Variants in CMIP observed in about 807,000 individuals in gnomAD.
The protein encoded by CMIP is c-Maf inducing protein.
A neutral mutation model predicts 97.3 loss-of-function variants in CMIP; 13 were observed. The ratio of observed to expected loss-of-function variants is 0.13; its 90% CI spans 0.09 to 0.21. The LOEUF (loss-of-function observed/expected upper bound fraction) is 0.21. Ranked by LOEUF, CMIP falls within the 10% of genes least tolerant of loss-of-function variation. The pLI, the probability that CMIP is intolerant of heterozygous loss-of-function variation, is 1.00. For missense variants in CMIP, 847 were observed against 1,024.9 expected (o/e 0.83, Z 2.37); for synonymous variants, 538 against 436.3 (o/e 1.23, Z -2.91).
At chr16:81,521,677 A>G (rs1302858790) in intron 1 of CMIP, among the ~76,000 whole-genome samples, 1 of 152,172 alleles carries the variant, frequency 6.6e-6, no homozygotes, top group Non-Finnish European at 1.5e-5. Flanking sequence ...AGTCTTGTGT[A>G]TTTGTAGACA....
chr16:81,510,651 C>G (rs573226842), intron 1 of CMIP, among the ~76,000 whole-genome samples: 2 of 152,258 alleles, frequency 1.3e-5, no homozygotes, highest in East Asian at 3.9e-4. Flanking sequence ...ATGGACCAGT[C>G]CAAGACCAAT....
intron 1 of CMIP, chr16:81,495,433 C>T (rs760360689): frequency 1.3e-5 from 21 of 1,606,992 alleles, no homozygotes; most frequent in East Asian, 2.2e-5. Context: ...CTGTTTCCTG[C>T]GAGGAGGGAA....
At chr16:81,600,958 C>T (rs1014012625) in intron 1 of CMIP, among the ~76,000 whole-genome samples, 1 of 152,164 alleles carries the variant, frequency 6.6e-6, no homozygotes, top group African/African-American at 2.4e-5. Flanking sequence ...TGTGCAGGTC[C>T]AGCAAATCCT....
chr16:81,490,156 C>T (rs1348494294), intron 1 of CMIP, among the ~76,000 whole-genome samples: 1 of 152,178 alleles, frequency 6.6e-6, no homozygotes, highest in Non-Finnish European at 1.5e-5. Flanking sequence ...CTAAAGGTTC[C>T]TGTTCCTCTC....
chr16:81,664,395 G>A, intron 7 of CMIP, 46 bp downstream of exon 7: 2 of 1,542,352 alleles, frequency 1.3e-6, no homozygotes, highest in Non-Finnish European at 1.8e-6. Flanking sequence ...CCCAGAACAT[G>A]AGGCCCCGCG....
At chr16:81,596,697 T>G (rs1013999735) in intron 1 of CMIP, among the ~76,000 whole-genome samples, 3 of 152,082 alleles carry the variant, frequency 2.0e-5, no homozygotes, top group Non-Finnish European at 4.4e-5. Context: ...CATCCCTCCA[T>G]GGGGTAACCA....
intron 2 of CMIP, among the ~76,000 whole-genome samples, chr16:81,609,615 C>A (rs1282914820): frequency 6.6e-6 from 1 of 152,184 alleles, no homozygotes; most frequent in Non-Finnish European, 1.5e-5. Flanking sequence ...GGACTGGGAG[C>A]CCAGAGAAGG....
chr16:81,670,319 C>T, intron 8 of CMIP, 74 bp downstream of exon 8: 4 of 1,453,522 alleles, frequency 2.8e-6, no homozygotes, highest in Non-Finnish European at 1.9e-6. Flanking sequence ...CTCAGATATC[C>T]ACGGGGGGCT....
rs552136742 is a variant in CMIP at position 81,463,637 on chromosome 16, A to G, written c.300+18096A>G. Among the ~76,000 whole-genome samples the G allele has an allele frequency of 3.3e-5, 5 of 152,232 alleles. No individual in the cohort carries two copies. The South Asian group carries it at 1.0e-3, about 32-fold the overall frequency. On this transcript the variant is annotated intron_variant, in intron 1 of 20. Transcript: ENST00000537098. ...ACCGGGTGAAATAATGGAACCTGCC[A>G]TTTCTCAGGCACCTATGATGTGCCA...
At chr16:81,516,648 T>C (rs1026257965) in intron 1 of CMIP, among the ~76,000 whole-genome samples, 1 of 152,172 alleles carries the variant, frequency 6.6e-6, no homozygotes, top group Admixed American at 6.5e-5. Flanking sequence ...CTGCTGGGGA[T>C]TGGCTTGCTC....
At chr16:81,562,712 G>C (rs1363046408) in intron 1 of CMIP, among the ~76,000 whole-genome samples, 1 of 152,272 alleles carries the variant, frequency 6.6e-6, no homozygotes, top group Non-Finnish European at 1.5e-5. Flanking sequence ...TCCAGTGCCA[G>C]ATGGCACAGA....
At chr16:81,657,879 T>C in intron 5 of CMIP, 63 bp downstream of exon 5, 1 of 1,414,150 alleles carries the variant, frequency 7.1e-7, no homozygotes, top group Non-Finnish European at 9.7e-7. Context: ...ACAACCCTTT[T>C]CCTGGTTTGG....
chr16:81,696,684 C>A lies in CMIP; in HGVS notation c.1638+17C>A. On this transcript the variant is annotated intron_variant, in intron 14 of 20. Coordinates refer to ENST00000537098, the MANE Select transcript of CMIP (RefSeq NM_198390.3). ...GCCAGCATGGTACGCAGTGGGACCC[C>A]AGTGGGGTGACTTCCAGGGGTCCCT... The A allele has an allele frequency of 6.2e-7, 1 of 1,600,256 alleles. No individual in the cohort carries two copies. The highest frequency in any genetic ancestry group is 8.5e-7 in the Non-Finnish European group (1 of 1,177,752).
chr16:81,616,072 G>A lies in CMIP; in HGVS notation c.427-4804G>A, dbSNP rs184597451. Among the ~76,000 whole-genome samples the A allele has an allele frequency of 1.3e-5, 2 of 152,232 alleles. No individual in the cohort carries two copies. Among genetic ancestry groups the A allele is most frequent in the Admixed American group, 6.5e-5 (1 of 15,294 alleles). ...TGTCTCTGCCTCCCTGGAAGGAGGC[G>A]CAGGAGAGTTCCGCATCGAGACTGT... On this transcript the variant is annotated intron_variant, in intron 2 of 20. Transcript: ENST00000537098. The surrounding 1 kb of genome is among the most constrained non-coding windows in gnomAD (Gnocchi z 4.7).
At position 81,609,644 on chromosome 16, in the gene CMIP, G is replaced by A. The variant is rs1597142816; in HGVS notation, c.426+1952G>A. On this transcript the variant is annotated intron_variant, in intron 2 of 20. Coordinates refer to ENST00000537098, the MANE Select transcript of CMIP (RefSeq NM_198390.3). Reference sequence around the variant, plus strand: ...GAGAAGGAGGAACTTATTTGGCCTGGGGGGCCAAAGCAGGCTCCCCAGACA... The same window carrying A: ...GAGAAGGAGGAACTTATTTGGCCTGAGGGGCCAAAGCAGGCTCCCCAGACA... Among the ~76,000 whole-genome samples, 4 of 152,314 alleles carry A rather than the reference G, an allele frequency of 2.6e-5. No homozygotes were observed. The East Asian group carries it at 7.7e-4, about 29-fold the overall frequency.
chr16:81,489,699 C>T (rs778247310), intron 1 of CMIP, among the ~76,000 whole-genome samples: 5 of 152,188 alleles, frequency 3.3e-5, no homozygotes, highest in African/African-American at 9.6e-5. Context: ...CTCTGTGAAA[C>T]GGCACTGCCC....
chr16:81,475,057 G>C (rs969534810), intron 1 of CMIP, among the ~76,000 whole-genome samples: 22 of 152,180 alleles, frequency 1.4e-4, no homozygotes, highest in Admixed American at 1.3e-4. Flanking sequence ...GAATGGAGCT[G>C]CTGTGGTCAG....
rs1250910762 is a variant in CMIP, at chr16:81,678,297, A to C, written c.1057A>C (p.Lys353Gln). The change falls in exon 10 of 21, where the codon AAG becomes CAG. Residue 353 changes from lysine (K) to glutamine (Q), a missense_variant. Transcript: ENST00000537098. ...INSRDNSPSL[K>Q]EIRNGCQQPC... ...CAGCCGCGACAATTCCCCAAGCCTG[A>C]AGGAAATCCGGAACGGCTGCCAGCA... The C allele has an allele frequency of 9.4e-6, 15 of 1,603,936 alleles. No individual in the cohort carries two copies. Among genetic ancestry groups the C allele is most frequent in the African/African-American group, 1.3e-5 (1 of 74,910 alleles).
intron 1 of CMIP, among the ~76,000 whole-genome samples, chr16:81,445,920 C>T (rs1905807296): frequency 6.7e-6 from 1 of 148,886 alleles, no homozygotes; most frequent in Admixed American, 6.7e-5. Flanking sequence ...CCATCTGGAT[C>T]TGAGGGGTGG....
Sources: allele counts gnomAD v4.1 joint callset (sites outside exome capture counted in the v4.1 genomes callset), GRCh38; gene constraint gnomAD v4.1.1; non-coding constraint Gnocchi (gnomAD v3.1); transcripts MANE v1.5; gene names NCBI Gene and HGNC (gene_info 2026-07-23, HGNC 2026-07-21).